PTPRO: variants seen among roughly 807,000 people sequenced by gnomAD.
PTPRO encodes the protein receptor-type tyrosine-protein phosphatase O.
In PTPRO, 62 loss-of-function variants were observed where a neutral mutation model predicts 145.2. The observed-to-expected ratio is 0.43, with a 90% CI of 0.35 to 0.53. The LOEUF is 0.53. PTPRO is among the 20% of genes least tolerant of loss of function. The pLI is 0.01. For synonymous variants in PTPRO, 565 were observed against 514.7 expected (o/e 1.10, Z -1.32); for missense variants, 1,345 against 1,482.7 (o/e 0.91, Z 1.53).
chr12:15,385,811 CAAA>C (rs761750012), intron 1 of PTPRO, among the ~76,000 whole-genome samples: 7 of 37,100 alleles, frequency 1.9e-4, no homozygotes, highest in Admixed American at 3.3e-4. Context: ...GACTCCATCT[CAAA>C]AAAAAAAAAA....
At chr12:15,534,187 C>T (rs1216144988) in intron 12 of PTPRO, among the ~76,000 whole-genome samples, 3 of 152,032 alleles carry the variant, frequency 2.0e-5, no homozygotes, top group Admixed American at 1.3e-4. Context: ...GACAGTCAGT[C>T]ATTACTATCT....
intron 1 of PTPRO, among the ~76,000 whole-genome samples, chr12:15,460,196 G>A (rs747883336): frequency 7.2e-5 from 11 of 152,144 alleles, no homozygotes; most frequent in Non-Finnish European, 1.3e-4. Flanking sequence ...AACTATTTAT[G>A]CCTGCAAACT....
intron 13 of PTPRO, among the ~76,000 whole-genome samples, chr12:15,548,565 T>C (rs889763664): frequency 1.3e-5 from 2 of 151,994 alleles, no homozygotes; most frequent in African/African-American, 4.8e-5. Flanking sequence ...TATATGCATA[T>C]GTGTGTGTCT....
intron 1 of PTPRO, among the ~76,000 whole-genome samples, chr12:15,340,793 G>T (rs1470038006): frequency 6.6e-6 from 1 of 152,142 alleles, no homozygotes; most frequent in Non-Finnish European, 1.5e-5. Flanking sequence ...GGCTTTATGA[G>T]ACTTTTACAC....
At chr12:15,403,222 G>A (rs1037720546) in intron 1 of PTPRO, among the ~76,000 whole-genome samples, 4 of 151,974 alleles carry the variant, frequency 2.6e-5, no homozygotes, top group Non-Finnish European at 4.4e-5. Context: ...CAGCTTCATC[G>A]GCATTTCTGG....
At chr12:15,499,046 C>T (rs1328308755) in intron 3 of PTPRO, among the ~76,000 whole-genome samples, 1 of 152,108 alleles carries the variant, frequency 6.6e-6, no homozygotes, top group Non-Finnish European at 1.5e-5. Flanking sequence ...TAAATGAAAA[C>T]TTTTCTTGGA....
chr12:15,470,505 A>G (rs1437727062), intron 1 of PTPRO, among the ~76,000 whole-genome samples: 1 of 151,804 alleles, frequency 6.6e-6, no homozygotes, highest in African/African-American at 2.4e-5. Flanking sequence ...TTTTTGGCAG[A>G]ACAATTTCTT....
At chr12:15,580,538 T>C (rs764943839) in intron 21 of PTPRO, among the ~76,000 whole-genome samples, 159 bp from the exon 22 acceptor site, 1 of 152,266 alleles carries the variant, frequency 6.6e-6, no homozygotes, top group Non-Finnish European at 1.5e-5. Flanking sequence ...GTTATTCTGA[T>C]AGCCTCTTTG....
At chr12:15,439,778 C>A in intron 1 of PTPRO, 2 of 600,314 alleles carry the variant, frequency 3.3e-6, no homozygotes, top group East Asian at 3.6e-5. Flanking sequence ...CCTCTTCTCC[C>A]TGCCCATCAA....
rs1388563062 is a variant in PTPRO, at chr12:15,499,541, G to T, written c.608G>T (p.Ser203Ile). 1 of 1,613,840 alleles carries T rather than the reference G, an allele frequency of 6.2e-7. No homozygotes were observed. The highest frequency in any genetic ancestry group is 1.1e-5 in the South Asian group (1 of 91,064). ...GTATCTGAGGCAACTTTTAATAAAA[G>T]TACCCTTGTTGAGTACAGTGGTGTC... The part of the protein sequence containing the change: ...QLVSEATFNK[S>I]TLVEYSGVSH... Residue 203 changes from serine to isoleucine, a missense_variant, in exon 4 of 27, where the codon AGT becomes ATT. Ser to Ile is a moderately radical substitution (Grantham distance 142). Around this residue, in one of 3 missense-constraint regions of PTPRO, gnomAD observed 1,130 missense variants for 1,214.7 expected, o/e 0.93. Transcript: ENST00000281171.
chr12:15,366,253 T>C (rs1938357201), intron 1 of PTPRO, among the ~76,000 whole-genome samples: 1 of 152,202 alleles, frequency 6.6e-6, no homozygotes, highest in African/African-American at 2.4e-5. Context: ...TGCTAGTTGT[T>C]AGCCTAATCT....
At chr12:15,402,343 A>G (rs1320737697) in intron 1 of PTPRO, among the ~76,000 whole-genome samples, 4 of 152,060 alleles carry the variant, frequency 2.6e-5, no homozygotes, top group Admixed American at 6.6e-5. Context: ...AGCAGAGATC[A>G]TGCCACTGTA....
intron 1 of PTPRO, among the ~76,000 whole-genome samples, chr12:15,374,775 A>G (rs1177370265): frequency 1.3e-5 from 2 of 152,178 alleles, no homozygotes; most frequent in African/African-American, 4.8e-5. Context: ...ACAAAAACAT[A>G]AAAGGAAGAC....
At chr12:15,552,296 C>A (rs1943485291) in intron 15 of PTPRO, among the ~76,000 whole-genome samples, 2 of 152,252 alleles carry the variant, frequency 1.3e-5, no homozygotes, top group South Asian at 4.1e-4. Flanking sequence ...TTTCTGTGGC[C>A]CCCTGTATTA....
At chr12:15,336,009 A>T (rs1443299568) in intron 1 of PTPRO, among the ~76,000 whole-genome samples, 1 of 152,188 alleles carries the variant, frequency 6.6e-6, no homozygotes, top group Non-Finnish European at 1.5e-5. Flanking sequence ...TTAATTTGAT[A>T]TCTTTAAGCC....
At chr12:15,444,154 T>C (rs903350575) in intron 1 of PTPRO, among the ~76,000 whole-genome samples, 2 of 152,146 alleles carry the variant, frequency 1.3e-5, no homozygotes, top group African/African-American at 2.4e-5. Context: ...TATGCAGCCA[T>C]AGAAGAGAAC....
chr12:15,545,185 C>G (rs1018750676), intron 12 of PTPRO, among the ~76,000 whole-genome samples: 7 of 151,882 alleles, frequency 4.6e-5, no homozygotes, highest in African/African-American at 1.7e-4. Context: ...TCAAGCACCT[C>G]TAAAGGACAG....
At chr12:15,406,630 C>T (rs74069056) in intron 1 of PTPRO, among the ~76,000 whole-genome samples, 17 of 151,996 alleles carry the variant, frequency 1.1e-4, no homozygotes, top group African/African-American at 3.6e-4. Flanking sequence ...CCATAATATG[C>T]GATTAAATAC....
At chr12:15,325,428 T>G (rs142044022) in intron 1 of PTPRO, among the ~76,000 whole-genome samples, 1 of 152,338 alleles carries the variant, frequency 6.6e-6, no homozygotes, top group East Asian at 1.9e-4. Context: ...ATCGGGCATC[T>G]CAGACTGTCT....
Sources: gnomAD v4.1 joint callset for allele counts (sites outside exome capture counted in the v4.1 genomes callset) on GRCh38, gnomAD v4.1.1 for gene constraint, gnomAD v4.1.1 regional missense constraint, MANE v1.5 for transcripts, NCBI Gene and HGNC (gene_info 2026-07-23, HGNC 2026-07-21) for gene names.